The following DYRK1A variants were observed in gnomAD, a reference collection of about 807,000 sequenced individuals.
DYRK1A encodes the protein dual specificity tyrosine-phosphorylation-regulated kinase 1A.
Under a neutral mutation model 79.7 loss-of-function variants are expected in DYRK1A, and 9 were observed. The observed-to-expected ratio is 0.11, with a 90% CI of 0.07 to 0.20. The LOEUF is 0.20. Ranked by LOEUF, DYRK1A falls within the 10% of genes least tolerant of loss-of-function variation. The pLI, the probability that DYRK1A is intolerant of heterozygous loss-of-function variation, is 1.00. For missense variants in DYRK1A, 622 were observed against 956.0 expected, an observed-to-expected ratio of 0.65 and a Z score of 4.61; for synonymous variants, 349 against 329.7, an observed-to-expected ratio of 1.06 and a Z score of -0.63.
Position 37,459,732 on chromosome 21 carries a change from C to G in DYRK1A, c.11-12952C>G, listed in dbSNP as rs540829809. 6.6e-5 allele frequency among the ~76,000 whole-genome samples: 10 copies of G among 152,296 alleles called. No individual in the cohort carries two copies. The South Asian group carries it at 2.1e-3, about 32-fold the overall frequency. ...ACAGGGCTGCTTCAGCAGCTGTCAT[C>G]TGGTTTGTTGTTTCTTGTGTTGTTA... is the stretch of plus-strand genomic sequence containing the variant. On this transcript the variant is annotated intron_variant, in intron 2 of 11. Transcript: ENST00000647188.
rs2053929346 is a variant in DYRK1A at position 37,520,795 on chromosome 21, G to C, written c.*8264G>C. 1 of 152,288 alleles carries C rather than the reference G, an allele frequency of 6.6e-6. No homozygotes were observed. Among genetic ancestry groups the C allele is most frequent in the Non-Finnish European group, 1.5e-5 (1 of 68,096 alleles). The allele number at this position is 152,288 out of a possible 1,614,324, so 9.4% of individuals were successfully genotyped here. ...TGCGCTCAGAGGCCTTTGGCACGAT[G>C]GGTCCTCCCAGCAGGGGCTCCAGCG... is the stretch of plus-strand genomic sequence containing the variant. On this transcript the variant is annotated 3_prime_UTR_variant, in exon 12 of 12. Transcript: ENST00000647188.
chr21:37,488,313 A>G (rs2052948096), intron 6 of DYRK1A: 1 of 963,862 alleles, frequency 1.0e-6, no homozygotes, highest in Non-Finnish European at 1.2e-6. Context: ...TTTAGATTAG[A>G]CAAGTTCATA....
intron 1 of DYRK1A, among the ~76,000 whole-genome samples, chr21:37,370,701 A>G (rs1458108643): frequency 2.6e-5 from 4 of 152,200 alleles, no homozygotes; most frequent in African/African-American, 9.7e-5. Flanking sequence ...AAGTTGTGTT[A>G]GTCTTATTTT....
intron 2 of DYRK1A, among the ~76,000 whole-genome samples, chr21:37,457,728 A>G (rs2051699435): frequency 2.0e-5 from 3 of 152,220 alleles, no homozygotes. Flanking sequence ...TAGACTTAAA[A>G]ATATCTTGTA....
rs1269809564 is a variant in DYRK1A at position 37,506,500 on chromosome 21, G to A, written c.1644+277G>A. ...CTCATTTACCAAAGCAGCGTTTTGA[G>A]CCTCATGCTTTTTTGATTCCCATTT... On this transcript the variant is annotated intron_variant, in intron 11 of 11. Transcript: ENST00000647188. 1.1e-5 allele frequency: 10 copies of A among 934,826 alleles called. No homozygotes were observed. The East Asian group carries it at 2.6e-4, about 24-fold the overall frequency. The allele number at this position is 934,826 out of a possible 1,614,324, so 57.9% of individuals were successfully genotyped here.
At chr21:37,408,126 A>G (rs1446390132) in intron 1 of DYRK1A, among the ~76,000 whole-genome samples, 2 of 152,216 alleles carry the variant, frequency 1.3e-5, no homozygotes, top group Non-Finnish European at 2.9e-5. Context: ...CTTTCCCAGA[A>G]GAGAAACAAG....
chr21:37,465,087 C>T (rs1406182888), intron 2 of DYRK1A, among the ~76,000 whole-genome samples: 1 of 152,176 alleles, frequency 6.6e-6, no homozygotes, highest in African/African-American at 2.4e-5. Context: ...GTGGCAAGCA[C>T]ACCTCGTTTA....
intron 8 of DYRK1A, 101 bp downstream of exon 8, chr21:37,493,264 A>G (rs1310682842): frequency 1.7e-6 from 2 of 1,185,428 alleles, no homozygotes; most frequent in East Asian, 2.4e-5. Context: ...AAAGATGTCT[A>G]CTTAATCATT....
Position 37,517,836 on chromosome 21 carries a change from C to T in DYRK1A, c.*5305C>T, listed in dbSNP as rs1259534788. On this transcript the variant is annotated 3_prime_UTR_variant, in exon 12 of 12. Transcript: ENST00000647188. ...ACTGCTGGGGTGGGGTTTGTTAACT[C>T]CCTCTGAAATGAAAGAAAATACCTC... 2 of 152,080 alleles carry T rather than the reference C, an allele frequency of 1.3e-5. No individual in the cohort carries two copies. The highest frequency in any genetic ancestry group is 4.8e-5 in the African/African-American group (2 of 41,392). 9.4% of individuals were successfully genotyped at this position (152,080 alleles called of 1,614,324 possible).
intron 3 of DYRK1A, among the ~76,000 whole-genome samples, chr21:37,476,234 T>C (rs2052388941): frequency 6.6e-6 from 1 of 152,184 alleles, no homozygotes; most frequent in Non-Finnish European, 1.5e-5. Flanking sequence ...CGTTGGAGAC[T>C]CTGGTTTCGC....
At chr21:37,407,651 A>C (rs1218768615) in intron 1 of DYRK1A, among the ~76,000 whole-genome samples, 8 of 152,246 alleles carry the variant, frequency 5.3e-5, no homozygotes, top group African/African-American at 1.9e-4. Flanking sequence ...CTTAGCTCTA[A>C]GTATAACAAA....
intron 2 of DYRK1A, chr21:37,421,855 C>A (rs2050484877): frequency 6.6e-6 from 1 of 152,104 alleles, no homozygotes; most frequent in Admixed American, 6.6e-5. Context: ...TAGATGCTCA[C>A]TTTCGACTGA....
At chr21:37,482,928 T>G (rs184709910) in intron 5 of DYRK1A, among the ~76,000 whole-genome samples, 8 of 152,346 alleles carry the variant, frequency 5.3e-5, no homozygotes, top group Admixed American at 3.3e-4. Context: ...AATTTAAGAT[T>G]ATCTCTCTTG....
intron 1 of DYRK1A, among the ~76,000 whole-genome samples, chr21:37,395,716 A>G (rs964060215): frequency 2.0e-5 from 3 of 152,132 alleles, no homozygotes; most frequent in South Asian, 2.1e-4. Flanking sequence ...GATTTTGGCT[A>G]TATTATTTTA....
At chr21:37,409,399 C>A (rs2148412044) in intron 1 of DYRK1A, among the ~76,000 whole-genome samples, 1 of 152,272 alleles carries the variant, frequency 6.6e-6, no homozygotes. Context: ...ATACCAGATT[C>A]AGCAACGCTA....
At chr21:37,397,764 A>C (rs1265086810) in intron 1 of DYRK1A, among the ~76,000 whole-genome samples, 1 of 152,080 alleles carries the variant, frequency 6.6e-6, no homozygotes, top group African/African-American at 2.4e-5. Context: ...ATTTTTTAAC[A>C]AGCCCCTCAG....
chr21:37,476,846 T>G, intron 3 of DYRK1A, among the ~76,000 whole-genome samples: 1 of 138,284 alleles, frequency 7.2e-6, no homozygotes. Flanking sequence ...TATTTGGAAT[T>G]AAGAAGCACA....
intron 1 of DYRK1A, among the ~76,000 whole-genome samples, chr21:37,397,958 C>G (rs1260069991): frequency 1.3e-5 from 2 of 151,710 alleles, no homozygotes; most frequent in Non-Finnish European, 2.9e-5. Context: ...CCGTAAAAGA[C>G]TGGGCACAGT....
intron 2 of DYRK1A, among the ~76,000 whole-genome samples, chr21:37,433,047 AT>A (rs201402963): frequency 0.015 from 2,161 of 148,370 alleles, 38 homozygotes; most frequent in African/African-American, 0.042. Context: ...AATTCTAAAT[AT>A]ATATATATAT....
Sources: gnomAD v4.1 joint callset for allele counts (sites outside exome capture counted in the v4.1 genomes callset) on GRCh38, gnomAD v4.1.1 for gene constraint, MANE v1.5 for transcripts, NCBI Gene and HGNC (gene_info 2026-07-23, HGNC 2026-07-21) for gene names.